Variants in EDN1 observed in about 807,000 individuals in gnomAD.
The protein encoded by EDN1 is endothelin-1.
In EDN1, 11 loss-of-function variants were observed where a neutral mutation model predicts 21.7. That is an observed-to-expected ratio of 0.51 (90% CI 0.32 to 0.84). The LOEUF (loss-of-function observed/expected upper bound fraction) is 0.84, where lower values mean the gene tolerates loss of function less well. EDN1 is among the 40% of genes least tolerant of loss of function. EDN1 has a pLI of 0.03. For synonymous variants in EDN1, 85 were observed against 90.6 expected (o/e 0.94, Z 0.35); for missense variants, 244 against 262.3 (o/e 0.93, Z 0.48).
the EDN1 span, among the ~76,000 whole-genome samples, chr6:12,273,309 C>T: frequency 1.3e-5 from 2 of 152,100 alleles, no homozygotes; most frequent in African/African-American, 4.8e-5. Context: ...CATGGAACCG[C>T]AGGTAGGTAT....
upstream of EDN1, among the ~76,000 whole-genome samples, chr6:12,287,177 TG>T (rs1762569933): frequency 7.4e-6 from 1 of 135,648 alleles, no homozygotes; most frequent in African/African-American, 3.1e-5. Flanking sequence ...AACTTTCTAT[TG>T]GGGAAAAAAA....
chr6:12,258,486 G>T, the EDN1 span, among the ~76,000 whole-genome samples: 1 of 132,080 alleles, frequency 7.6e-6, no homozygotes, highest in Non-Finnish European at 1.6e-5. Flanking sequence ...ATTACATTCA[G>T]TCGCAACATT....
At chr6:12,236,602 A>G in the EDN1 span, among the ~76,000 whole-genome samples, 4 of 152,176 alleles carry the variant, frequency 2.6e-5, no homozygotes, top group Non-Finnish European at 5.9e-5. Flanking sequence ...TTTCACTTTA[A>G]AAAGGGAGCT....
the EDN1 span, among the ~76,000 whole-genome samples, chr6:12,242,829 A>G: frequency 0.011 from 1,684 of 152,232 alleles, 27 homozygotes; most frequent in African/African-American, 0.039. Context: ...AATGCTCTCT[A>G]TTAACCATTA....
At chr6:12,234,744 C>G in the EDN1 span, among the ~76,000 whole-genome samples, 1 of 152,170 alleles carries the variant, frequency 6.6e-6, no homozygotes, top group Admixed American at 6.5e-5. Flanking sequence ...TAGAATTAAC[C>G]TGTTCTCCAA....
chr6:12,250,963 T>C, the EDN1 span, among the ~76,000 whole-genome samples: 2 of 152,232 alleles, frequency 1.3e-5, no homozygotes, highest in Non-Finnish European at 2.9e-5. Context: ...AAGTCATTTC[T>C]GCTTAACTGA....
At chr6:12,295,755 G>A (rs748913022) in intron 4 of EDN1, among the ~76,000 whole-genome samples, 36 of 151,974 alleles carry the variant, frequency 2.4e-4, no homozygotes, top group East Asian at 5.8e-4. Context: ...ATGACCCCTC[G>A]CTCCCATTCT....
At chr6:12,274,940 T>TCCTCCCTTCCTG in the EDN1 span, among the ~76,000 whole-genome samples, 52 of 115,130 alleles carry the variant, frequency 4.5e-4, 1 homozygote, top group East Asian at 0.01. Context: ...TTCTTCCTTC[T>TCCTCCCTTCCTG]CCTTCCTTCC....
rs896673576 is a variant in EDN1 at position 12,292,462 on chromosome 6, G to A, written c.186G>A (p.Glu62=). 3.1e-6 allele frequency: 5 copies of A among 1,614,270 alleles called. No homozygotes were observed. Among genetic ancestry groups the A allele is most frequent in the South Asian group, 1.1e-5 (1 of 91,092 alleles). ...CCTGCTCGTCCCTGATGGATAAAGAGTGTGTCTACTTCTGCCACCTGGACA... is the reference window on the plus strand; with the variant it reads ...CCTGCTCGTCCCTGATGGATAAAGAATGTGTCTACTTCTGCCACCTGGACA... ...RCSCSSLMDK[E]CVYFCHLDII... is the part of the protein sequence containing the mutation. The change falls in exon 2 of 5, where the codon GAG becomes GAA. Residue 62 remains glutamate (E), a synonymous_variant. Coordinates refer to ENST00000379375, the MANE Select transcript of EDN1 (RefSeq NM_001955.5).
the EDN1 span, among the ~76,000 whole-genome samples, chr6:12,280,673 T>A: frequency 1.3e-5 from 2 of 152,142 alleles, no homozygotes; most frequent in Non-Finnish European, 2.9e-5. Context: ...GACGGACGGA[T>A]CGCCTGAGGT....
At chr6:12,295,899 T>C in intron 4 of EDN1, 63 bp from the exon 5 acceptor site, 1 of 1,544,062 alleles carries the variant, frequency 6.5e-7, no homozygotes, top group Non-Finnish European at 8.9e-7. Flanking sequence ...TTTTACATGT[T>C]TCTTTTGCCA....
chr6:12,256,579 T>C, the EDN1 span, among the ~76,000 whole-genome samples: 1 of 152,182 alleles, frequency 6.6e-6, no homozygotes, highest in Non-Finnish European at 1.5e-5. Context: ...GGTAAGCATG[T>C]GTCTTCCCAA....
the EDN1 span, among the ~76,000 whole-genome samples, chr6:12,281,814 C>T: frequency 1.3e-5 from 2 of 152,096 alleles, no homozygotes; most frequent in African/African-American, 4.8e-5. Context: ...ATTCTGTGTT[C>T]CCTAGAAGGG....
chr6:12,247,049 A>G, the EDN1 span, among the ~76,000 whole-genome samples: 1 of 152,230 alleles, frequency 6.6e-6, no homozygotes, highest in African/African-American at 2.4e-5. Flanking sequence ...AAACTATGAA[A>G]TCACTACACA....
the EDN1 span, among the ~76,000 whole-genome samples, chr6:12,237,870 C>A: frequency 1.3e-5 from 2 of 152,072 alleles, no homozygotes; most frequent in Non-Finnish European, 2.9e-5. Flanking sequence ...CAATCTCAGG[C>A]CTTAAAAAAG....
chr6:12,287,661 T>G (rs1369473109), upstream of EDN1, among the ~76,000 whole-genome samples: 1 of 149,300 alleles, frequency 6.7e-6, no homozygotes, highest in East Asian at 2.0e-4. Flanking sequence ...TCTCTCTCTC[T>G]TCTCTTCTCC....
chr6:12,249,623 C>A, the EDN1 span, among the ~76,000 whole-genome samples: 2 of 151,454 alleles, frequency 1.3e-5, no homozygotes, highest in Non-Finnish European at 2.9e-5. Context: ...TAGCTGCTCA[C>A]CTGGGGCAAA....
At chr6:12,231,317 C>T in the EDN1 span, among the ~76,000 whole-genome samples, 35,965 of 151,974 alleles carry the variant, frequency 0.24, 4,913 homozygotes, top group Non-Finnish European at 0.31. Context: ...TGCAATTCAA[C>T]GAATCAAAAG....
At chr6:12,266,681 G>T in the EDN1 span, among the ~76,000 whole-genome samples, 39 of 152,304 alleles carry the variant, frequency 2.6e-4, no homozygotes, top group Admixed American at 1.5e-3. Flanking sequence ...TGACAACTAA[G>T]CAGAGTCCTG....
Sources: allele counts gnomAD v4.1 joint callset (sites outside exome capture counted in the v4.1 genomes callset), GRCh38; gene constraint gnomAD v4.1.1; transcripts MANE v1.5; gene names NCBI Gene and HGNC (gene_info 2026-07-23, HGNC 2026-07-21).